RAB11FIP4: variants seen among roughly 807,000 people sequenced by gnomAD.
The protein encoded by RAB11FIP4 is rab11 family-interacting protein 4.
A neutral mutation model predicts 74.3 loss-of-function variants in RAB11FIP4; 23 were observed. That is an observed-to-expected ratio of 0.31 (90% CI 0.22 to 0.44). The LOEUF is 0.44. Ranked by LOEUF, RAB11FIP4 falls within the 20% of genes least tolerant of loss-of-function variation. RAB11FIP4 has a pLI of 1.00. For synonymous variants in RAB11FIP4, 360 were observed against 359.9 expected (o/e 1.00, Z 0.00); for missense variants, 630 against 863.9 (o/e 0.73, Z 3.39).
At chr17:31,500,993 A>G (rs1192178856) in intron 3 of RAB11FIP4, among the ~76,000 whole-genome samples, 1 of 151,570 alleles carries the variant, frequency 6.6e-6, no homozygotes, top group Non-Finnish European at 1.5e-5. Flanking sequence ...ACTGCACTCC[A>G]GCCTGGTGAC....
intron 3 of RAB11FIP4, among the ~76,000 whole-genome samples, chr17:31,461,441 T>C (rs2071633160): frequency 6.6e-6 from 1 of 152,230 alleles, no homozygotes; most frequent in South Asian, 2.1e-4. Flanking sequence ...GTTACCTTGA[T>C]GCAGGACTTC....
intron 3 of RAB11FIP4, among the ~76,000 whole-genome samples, chr17:31,514,821 T>C (rs1380723141): frequency 6.6e-6 from 1 of 152,206 alleles, no homozygotes; most frequent in Non-Finnish European, 1.5e-5. Context: ...GGGCGTTAAG[T>C]GGATGGACGT....
At chr17:31,470,754 G>A (rs1244496610) in intron 3 of RAB11FIP4, among the ~76,000 whole-genome samples, 4 of 152,184 alleles carry the variant, frequency 2.6e-5, no homozygotes, top group African/African-American at 9.7e-5. Flanking sequence ...TTTCACAGAT[G>A]TGAGCACTGA....
chr17:31,491,929 G>A (rs1042872904), intron 3 of RAB11FIP4, among the ~76,000 whole-genome samples: 5 of 152,188 alleles, frequency 3.3e-5, no homozygotes, highest in Admixed American at 1.3e-4. Flanking sequence ...CCATGTGAAC[G>A]TGGAAACATT....
intron 3 of RAB11FIP4, among the ~76,000 whole-genome samples, chr17:31,493,827 T>C (rs1453174152): frequency 1.3e-5 from 2 of 152,156 alleles, no homozygotes; most frequent in Non-Finnish European, 2.9e-5. Flanking sequence ...TGTGGGGTCC[T>C]AAGGACCCCA....
chr17:31,402,769 C>G (rs1055132001), intron 1 of RAB11FIP4, among the ~76,000 whole-genome samples: 1 of 151,512 alleles, frequency 6.6e-6, no homozygotes, highest in East Asian at 1.9e-4. Context: ...CTACAGGCGC[C>G]CACCATCACT....
intron 1 of RAB11FIP4, among the ~76,000 whole-genome samples, chr17:31,422,917 C>CT (rs35668224): frequency 0.019 from 2,394 of 126,400 alleles, 50 homozygotes; most frequent in African/African-American, 0.031. Flanking sequence ...TATTGATTGC[C>CT]TTTTTTTTTT....
intron 3 of RAB11FIP4, among the ~76,000 whole-genome samples, chr17:31,452,957 C>T (rs990805880): frequency 9.9e-5 from 15 of 152,096 alleles, no homozygotes; most frequent in East Asian, 1.9e-4. Context: ...GCTGACCCCG[C>T]GGGGAACTGG....
At chr17:31,488,436 C>A (rs931559160) in intron 3 of RAB11FIP4, 3 of 762,050 alleles carry the variant, frequency 3.9e-6, no homozygotes, top group East Asian at 1.6e-4. Flanking sequence ...CTGCCAGGTG[C>A]GCGGGTGGCG....
intron 3 of RAB11FIP4, among the ~76,000 whole-genome samples, chr17:31,470,363 G>A (rs12453638): frequency 0.12 from 18,256 of 152,214 alleles, 1,439 homozygotes; most frequent in East Asian, 0.28. Context: ...TTCCTGGAAG[G>A]GTGATTGATG....
chr17:31,445,578 ATTTTTTTTTTT>A lies in RAB11FIP4; in HGVS notation c.336+11471_336+11481del, dbSNP rs61393689. 2.8e-3 allele frequency among the ~76,000 whole-genome samples: 46 copies of A among 16,252 alleles called. No homozygotes were observed. In the East Asian group the frequency reaches 0.03, roughly 11 times the overall value. The allele number at this position is 16,252 out of a possible 152,430, so 10.7% of individuals were successfully genotyped here. ...TATATATATATATATATATATATAT[ATTTTTTTTTTT>A]TTTTTTTTTTTTTTGACACGGAGTC... On this transcript the variant is annotated intron_variant, in intron 3 of 14. Coordinates refer to ENST00000621161, the MANE Select transcript of RAB11FIP4 (RefSeq NM_032932.6).
rs1433370829 is a variant in RAB11FIP4, at chr17:31,535,352, G to A, written c.*3620G>A. 2.0e-5 allele frequency: 3 copies of A among 152,128 alleles called. No individual in the cohort carries two copies. Among genetic ancestry groups the A allele is most frequent in the Non-Finnish European group, 4.4e-5 (3 of 68,032 alleles). The allele number at this position is 152,128 out of a possible 1,614,324, so 9.4% of individuals were successfully genotyped here. On this transcript the variant is annotated 3_prime_UTR_variant, in exon 15 of 15. Coordinates refer to ENST00000621161, the MANE Select transcript of RAB11FIP4 (RefSeq NM_032932.6). ...GCTGTGCATTGGAATCACCTGGGGAGATTTGTAAGCTTCTGCTGTCTGGGC... is the reference window on the plus strand; with the variant it reads ...GCTGTGCATTGGAATCACCTGGGGAAATTTGTAAGCTTCTGCTGTCTGGGC...
chr17:31,495,956 C>CT (rs1393022455), intron 3 of RAB11FIP4, among the ~76,000 whole-genome samples: 1 of 152,060 alleles, frequency 6.6e-6, no homozygotes, highest in Admixed American at 6.6e-5. Context: ...TTTTCCTTTC[C>CT]TTTTTTTCCA....
chr17:31,463,515 C>G (rs2071652679), intron 3 of RAB11FIP4, among the ~76,000 whole-genome samples: 1 of 152,060 alleles, frequency 6.6e-6, no homozygotes, highest in South Asian at 2.1e-4. Context: ...AGCAAGAGCA[C>G]CCAGAACCTC....
intron 3 of RAB11FIP4, among the ~76,000 whole-genome samples, chr17:31,515,324 G>T (rs1376695340): frequency 1.3e-5 from 2 of 151,832 alleles, no homozygotes; most frequent in African/African-American, 4.8e-5. Flanking sequence ...GGGAACCCTG[G>T]GGGGATTCTC....
chr17:31,510,274 TGGGAGTG>T (rs1175342297), intron 3 of RAB11FIP4, among the ~76,000 whole-genome samples: 4 of 152,176 alleles, frequency 2.6e-5, no homozygotes, highest in Non-Finnish European at 5.9e-5. Context: ...GTTGGTTGGC[TGGGAGTG>T]GGGTGAGAGA....
At chr17:31,529,763 C>G (rs1415508344) in intron 13 of RAB11FIP4, among the ~76,000 whole-genome samples, 1 of 152,184 alleles carries the variant, frequency 6.6e-6, no homozygotes, top group Non-Finnish European at 1.5e-5. Flanking sequence ...GCTGTGCTCT[C>G]ACAGAAATCC....
intron 3 of RAB11FIP4, among the ~76,000 whole-genome samples, chr17:31,461,878 T>A (rs992246785): frequency 6.6e-6 from 1 of 152,186 alleles, no homozygotes; most frequent in African/African-American, 2.4e-5. Flanking sequence ...CCTCGGAGAT[T>A]CATTCATGTG....
intron 10 of RAB11FIP4, 100 bp from the exon 11 acceptor site, chr17:31,527,742 T>C: frequency 1.2e-6 from 1 of 831,248 alleles, no homozygotes; most frequent in Non-Finnish European, 1.9e-6. Flanking sequence ...TTCTGGTATC[T>C]TTCCTCTGGG....
Sources: allele counts gnomAD v4.1 joint callset (sites outside exome capture counted in the v4.1 genomes callset), GRCh38; gene constraint gnomAD v4.1.1; transcripts MANE v1.5; gene names NCBI Gene and HGNC (gene_info 2026-07-23, HGNC 2026-07-21).